The following ATRX variants were observed in gnomAD, a reference collection of about 807,000 sequenced individuals.
ATRX encodes the protein ATRX chromatin remodeler.
A neutral mutation model predicts 172.6 loss-of-function variants in ATRX; 12 were observed. That is an observed-to-expected ratio of 0.07 (90% CI 0.04 to 0.11). The LOEUF is 0.11. ATRX is among the 10% of genes least tolerant of loss of function. The pLI is 1.00. For missense variants in ATRX, 1,368 were observed against 1,767.4 expected (o/e 0.77, Z 4.05); for synonymous variants, 674 against 594.7 (o/e 1.13, Z -1.94).
rs1245494999 is a variant in ATRX, at chrX:77,682,516, C to T, written c.2740G>A (p.Ala914Thr). 8.3e-7 allele frequency: 1 copy of T among 1,209,753 alleles called. No individual in the cohort carries two copies. Among genetic ancestry groups the T allele is most frequent in the Non-Finnish European group, 1.1e-6 (1 of 895,109 alleles). Residue 914 changes from alanine (A) to threonine (T), a missense_variant, in exon 9 of 35, where the codon GCA becomes ACA. Around this residue, in one of 17 missense-constraint regions of ATRX, gnomAD observed 843 missense variants for 643.1 expected, o/e 1.31. Transcript: ENST00000373344. ...TCGACACCATCAGTGGAAGCACTTG[C>T]TTGCTGCTTCTTAGGAAGTCGATCT... ...LRDRLPKKQQ[A>T]SASTDGVDKL...
chrX:77,516,427 G>A (rs1557039150), intron 34 of ATRX, among the ~76,000 whole-genome samples: 1 of 111,392 alleles, frequency 9.0e-6, no homozygotes, highest in African/African-American at 3.3e-5. Flanking sequence ...AAAAAGAGCA[G>A]GACTAGCTAT....
chrX:77,594,392 T>C (rs1347489328), intron 25 of ATRX: 5 of 111,988 alleles, frequency 4.5e-5, no homozygotes, highest in African/African-American at 1.6e-4. Context: ...AATGATTTCG[T>C]TCTTATATAT....
At chrX:77,750,475 G>A (rs2075257670) in intron 1 of ATRX, among the ~76,000 whole-genome samples, 1 of 111,371 alleles carries the variant, frequency 9.0e-6, no homozygotes, top group African/African-American at 3.3e-5. Context: ...ACCTAAGGGA[G>A]GAGGTATAAA....
At chrX:77,564,122 G>A (rs186152049) in intron 28 of ATRX, among the ~76,000 whole-genome samples, 3 of 111,501 alleles carry the variant, frequency 2.7e-5, no homozygotes, top group African/African-American at 9.8e-5. Context: ...ACCCTTTCAG[G>A]AGCACCCTCA....
At chrX:77,708,801 G>A (rs1557158813) in intron 2 of ATRX, among the ~76,000 whole-genome samples, 1 of 112,444 alleles carries the variant, frequency 8.9e-6, no homozygotes. Context: ...ATTGATGGTG[G>A]TGATGGTTGT....
rs782553301 is a variant in ATRX, at chrX:77,656,644, T to C, written c.4130A>G (p.Glu1377Gly). ...CTGAAAATCAGAATCTTCTGAATCT[T>C]CACTGCTCACTTGAATTTTAAAAAA... ...KGRNRRKVSS[E>G]DSEDSDFQES... Residue 1377 changes from glutamate (E) to glycine (G), a missense_variant, in exon 13 of 35, where the codon GAA becomes GGA. Transcript: ENST00000373344. The C allele has an allele frequency of 5.9e-5, 70 of 1,190,691 alleles. No individual in the cohort carries two copies. The highest frequency in any genetic ancestry group is 2.7e-4 in the Middle Eastern group (1 of 3,684).
intron 1 of ATRX, among the ~76,000 whole-genome samples, chrX:77,764,569 G>A (rs1323452688): frequency 8.9e-6 from 1 of 112,524 alleles, no homozygotes; most frequent in African/African-American, 3.2e-5. Context: ...TAGAAGGCAT[G>A]TGATGCAAAA....
chrX:77,593,872 A>T (rs2066372666), intron 25 of ATRX, 23 bp from the exon 26 acceptor site: 1 of 1,184,519 alleles, frequency 8.4e-7, no homozygotes, highest in Non-Finnish European at 1.1e-6. Flanking sequence ...AATGGAACAT[A>T]AGTAGGTAAA....
At chrX:77,586,918 G>C in intron 27 of ATRX, among the ~76,000 whole-genome samples, 1 of 110,180 alleles carries the variant, frequency 9.1e-6, no homozygotes, top group Non-Finnish European at 1.9e-5. Flanking sequence ...AGCCAGGCAT[G>C]GTGGCACACA....
At chrX:77,586,034 G>T (rs45518037) in intron 27 of ATRX, among the ~76,000 whole-genome samples, 2 of 111,452 alleles carry the variant, frequency 1.8e-5, no homozygotes, top group Admixed American at 1.9e-4. Context: ...TGGTTAGCAG[G>T]TACAAATATA....
chrX:77,589,940 G>A lies in ATRX; in HGVS notation c.6111C>T (p.Val2037=), dbSNP rs1557079281. The A allele has an allele frequency of 8.3e-7, 1 of 1,198,501 alleles. No homozygotes were observed. Among genetic ancestry groups the A allele is most frequent in the Non-Finnish European group, 1.1e-6 (1 of 884,399 alleles). ...ATATGAGGGACTGGCTGAAAACAAG[G>A]CTAAAAAAACAGATTAGTGTTTATG... ...LRMAEEIGDK[V]LVFSQSLISL... is the part of the protein sequence containing the mutation. The change falls in exon 27 of 35, where the codon GTC becomes GTT. Residue 2037 remains valine (V), a splice_region_variant and synonymous_variant. Transcript: ENST00000373344.
intron 12 of ATRX, among the ~76,000 whole-genome samples, chrX:77,656,944 T>C (rs1275686634): frequency 8.9e-6 from 1 of 112,096 alleles, no homozygotes; most frequent in Non-Finnish European, 1.9e-5. Context: ...CAATAAAATA[T>C]ATGTAATTAC....
At chrX:77,779,360 C>G (rs1388845150) in intron 1 of ATRX, among the ~76,000 whole-genome samples, 1 of 110,238 alleles carries the variant, frequency 9.1e-6, no homozygotes, top group Non-Finnish European at 1.9e-5. Context: ...ATATCTTGCA[C>G]CAAAACTAAT....
intron 1 of ATRX, among the ~76,000 whole-genome samples, chrX:77,748,862 T>C (rs1476141986): frequency 9.0e-6 from 1 of 111,681 alleles, no homozygotes; most frequent in Admixed American, 9.6e-5. Context: ...GCTAGGATTA[T>C]AGGCATAAGC....
At chrX:77,775,061 T>C (rs1233039536) in intron 1 of ATRX, among the ~76,000 whole-genome samples, 3 of 111,440 alleles carry the variant, frequency 2.7e-5, no homozygotes, top group Non-Finnish European at 3.8e-5. Context: ...TTTTGCTAAC[T>C]ATACTGGGAT....
intron 1 of ATRX, among the ~76,000 whole-genome samples, chrX:77,733,306 A>G (rs1474343129): frequency 8.9e-6 from 1 of 111,925 alleles, no homozygotes; most frequent in African/African-American, 3.2e-5. Flanking sequence ...AAACAATCCT[A>G]AAACTTACAC....
At chrX:77,782,081 C>T (rs2076588138) in intron 1 of ATRX, among the ~76,000 whole-genome samples, 1 of 112,045 alleles carries the variant, frequency 8.9e-6, no homozygotes, top group Non-Finnish European at 1.9e-5. Context: ...ATTAAGGTCA[C>T]AAATGTCTTT....
intron 19 of ATRX, among the ~76,000 whole-genome samples, chrX:77,631,972 T>C (rs2068125808): frequency 8.9e-6 from 1 of 112,074 alleles, no homozygotes. Flanking sequence ...CAGAAAATTA[T>C]TCCAAAATGA....
At chrX:77,614,110 A>G (rs1220911353) in intron 22 of ATRX, among the ~76,000 whole-genome samples, 1 of 112,348 alleles carries the variant, frequency 8.9e-6, no homozygotes, top group African/African-American at 3.2e-5. Flanking sequence ...GTTAAAAACA[A>G]AATTTGGGTG....
Sources: gnomAD v4.1 joint callset for allele counts (sites outside exome capture counted in the v4.1 genomes callset) on GRCh38, gnomAD v4.1.1 for gene constraint, gnomAD v4.1.1 regional missense constraint, MANE v1.5 for transcripts, NCBI Gene and HGNC (gene_info 2026-07-23, HGNC 2026-07-21) for gene names.